Variants in PDE3A observed in about 807,000 individuals in gnomAD.
PDE3A encodes the protein cGMP-inhibited 3',5'-cyclic phosphodiesterase 3A.
PDE3A carries 43 observed loss-of-function variants against 98.3 expected under a neutral mutation model. The observed-to-expected ratio is 0.44, with a 90% confidence interval of 0.34 to 0.56. The LOEUF (loss-of-function observed/expected upper bound fraction) is 0.56. Ranked by LOEUF, PDE3A falls within the 20% of genes least tolerant of loss-of-function variation. The pLI is 0.01. For synonymous variants in PDE3A, 663 were observed against 567.9 expected (o/e 1.17, Z -2.38); for missense variants, 1,427 against 1,440.7 (o/e 0.99, Z 0.15).
chr12:20,570,440 G>C (rs1366624310), intron 2 of PDE3A, among the ~76,000 whole-genome samples: 2 of 83,494 alleles, frequency 2.4e-5, no homozygotes, highest in Non-Finnish European at 4.8e-5. Context: ...AAAAAAAAAG[G>C]TGTAAAGGGA....
At chr12:20,572,038 A>G (rs1942812716) in intron 2 of PDE3A, 2 of 1,133,848 alleles carry the variant, frequency 1.8e-6, no homozygotes, top group Admixed American at 4.1e-5. Flanking sequence ...TGGAGTTGCA[A>G]TCAGTATTCA....
At chr12:20,373,266 A>T (rs779413412) in intron 1 of PDE3A, among the ~76,000 whole-genome samples, 28 of 152,064 alleles carry the variant, frequency 1.8e-4, no homozygotes, top group African/African-American at 3.9e-4. Context: ...GCCAGTGTTA[A>T]GAAGGCAAGT....
At chr12:20,559,845 T>C (rs1173736376) in intron 2 of PDE3A, among the ~76,000 whole-genome samples, 1 of 152,146 alleles carries the variant, frequency 6.6e-6, no homozygotes, top group East Asian at 1.9e-4. Flanking sequence ...AAAGCTTTGG[T>C]AAAAGTCTGA....
intron 2 of PDE3A, among the ~76,000 whole-genome samples, chr12:20,572,973 G>A (rs1285697454): frequency 6.6e-6 from 1 of 152,032 alleles, no homozygotes; most frequent in Non-Finnish European, 1.5e-5. Context: ...CAAATGACTA[G>A]TCTACATTTC....
intron 1 of PDE3A, among the ~76,000 whole-genome samples, chr12:20,550,490 T>A (rs1263672886): frequency 6.6e-6 from 1 of 152,150 alleles, no homozygotes; most frequent in Non-Finnish European, 1.5e-5. Context: ...ATTAGTTAAT[T>A]ATTGCTTGTG....
intron 1 of PDE3A, among the ~76,000 whole-genome samples, chr12:20,532,367 AATT>A (rs1467856415): frequency 6.6e-6 from 1 of 152,156 alleles, no homozygotes; most frequent in Non-Finnish European, 1.5e-5. Context: ...TAATTTATGC[AATT>A]ATTTTATATT....
At chr12:20,551,895 G>A (rs1296227453) in intron 1 of PDE3A, 4 of 1,613,410 alleles carry the variant, frequency 2.5e-6, no homozygotes, top group East Asian at 2.2e-5. Context: ...GACCCATCCC[G>A]GGGATCCCCG....
chr12:20,392,369 G>A (rs543538428), intron 1 of PDE3A, among the ~76,000 whole-genome samples: 47 of 151,920 alleles, frequency 3.1e-4, no homozygotes, highest in Non-Finnish European at 6.0e-4. Context: ...GGTCTAAAAT[G>A]TGTAGGTCTA....
chr12:20,373,286 GGT>G (rs1250444037), intron 1 of PDE3A, among the ~76,000 whole-genome samples: 1 of 152,130 alleles, frequency 6.6e-6, no homozygotes, highest in African/African-American at 2.4e-5. Context: ...TGTCTGTTAA[GGT>G]GTGTGTATCT....
At chr12:20,406,360 A>T (rs1333158471) in intron 1 of PDE3A, among the ~76,000 whole-genome samples, 1 of 152,188 alleles carries the variant, frequency 6.6e-6, no homozygotes, top group Non-Finnish European at 1.5e-5. Context: ...ACAGCATGTA[A>T]GGGTTCCCGT....
intron 1 of PDE3A, among the ~76,000 whole-genome samples, chr12:20,504,240 T>G (rs1946075239): frequency 6.6e-6 from 1 of 152,084 alleles, no homozygotes; most frequent in Non-Finnish European, 1.5e-5. Context: ...TGTATCTACA[T>G]GTAACATGTA....
chr12:20,369,190 CGTGTGTGTGTGT>C lies in PDE3A; in HGVS notation c.-85_-74del, dbSNP rs140759925. The C allele has an allele frequency of 7.7e-6, 5 of 653,572 alleles. No homozygotes were observed. Among genetic ancestry groups the C allele is most frequent in the Admixed American group, 6.5e-5 (2 of 30,990 alleles). The allele number at this position is 653,572 out of a possible 1,614,324, so 40.5% of individuals were successfully genotyped here. A position where few individuals can be genotyped will look rare whatever the true frequency, so the allele number is the denominator to read the frequency against. ...GGTGGAATTGGGAAGAGCGTGCGTG[CGTGTGTGTGTGT>C]GTGTGTGTGCGCGCGCGCGCGTGGG... On this transcript the variant is annotated 5_prime_UTR_variant, in exon 1 of 16. Coordinates refer to ENST00000359062, the MANE Select transcript of PDE3A (RefSeq NM_000921.5).
chr12:20,369,754 T>A lies in PDE3A; in HGVS notation c.470T>A (p.Leu157Gln). ...GLYLLRAGVR[L>Q]PLAVALLAAC... The stretch of plus-strand genomic sequence containing the variant: ...TACCTCCTGCGCGCCGGGGTGCGCC[T>A]GCCTCTGGCTGTCGCGCTGCTGGCC... Residue 157 changes from leucine to glutamine, a missense_variant, in exon 1 of 16, where the codon CTG (leucine) becomes CAG (glutamine). Coordinates refer to ENST00000359062, the MANE Select transcript of PDE3A (RefSeq NM_000921.5). 1.2e-6 allele frequency: 2 copies of A among 1,612,586 alleles called. No individual in the cohort carries two copies. Among genetic ancestry groups the A allele is most frequent in the Non-Finnish European group, 1.7e-6 (2 of 1,179,786 alleles).
intron 1 of PDE3A, among the ~76,000 whole-genome samples, chr12:20,512,019 G>T (rs1565573059): frequency 6.6e-6 from 1 of 151,972 alleles, no homozygotes; most frequent in East Asian, 1.9e-4. Flanking sequence ...AAATGTAAAA[G>T]TCATCAAAAA....
At chr12:20,482,232 T>C (rs1945643595) in intron 1 of PDE3A, among the ~76,000 whole-genome samples, 1 of 131,140 alleles carries the variant, frequency 7.6e-6, no homozygotes, top group African/African-American at 2.7e-5. Context: ...ACACATGTAT[T>C]TTTTTTTCTG....
At chr12:20,612,536 A>G (rs962519110) in intron 2 of PDE3A, among the ~76,000 whole-genome samples, 1 of 149,938 alleles carries the variant, frequency 6.7e-6, no homozygotes, top group African/African-American at 2.4e-5. Flanking sequence ...ATAGTCCCTC[A>G]TATTTTCTTT....
At position 20,685,290 on chromosome 12, in the gene PDE3A, T is replaced by C. The variant is rs1945926092; in HGVS notation, c.*5019T>C. Among the ~76,000 whole-genome samples, 1 of 150,858 alleles carries C rather than the reference T, an allele frequency of 6.6e-6. No individual in the cohort carries two copies. Among genetic ancestry groups the C allele is most frequent in the Non-Finnish European group, 1.5e-5 (1 of 67,938 alleles). ...ATTCAGGTGTGGTGGCGCATGTCTG[T>C]AATCCCAGCTACCCAGGAGGCTGAG... is the stretch of plus-strand genomic sequence containing the variant. On this transcript the variant is annotated 3_prime_UTR_variant, in exon 16 of 16. Coordinates refer to ENST00000359062, the MANE Select transcript of PDE3A (RefSeq NM_000921.5).
intron 15 of PDE3A, among the ~76,000 whole-genome samples, chr12:20,663,473 C>T (rs1288992152): frequency 2.1e-5 from 3 of 142,506 alleles, no homozygotes; most frequent in African/African-American, 7.3e-5. Context: ...CCTGCAAAGC[C>T]ACAGGGGCAA....
chr12:20,423,739 A>G (rs976137728), intron 1 of PDE3A, among the ~76,000 whole-genome samples: 1 of 152,150 alleles, frequency 6.6e-6, no homozygotes, highest in Non-Finnish European at 1.5e-5. Context: ...TTCCCTCTGT[A>G]GCAAGTGAGC....
Sources: allele counts gnomAD v4.1 joint callset (sites outside exome capture counted in the v4.1 genomes callset), GRCh38; gene constraint gnomAD v4.1.1; transcripts MANE v1.5; gene names NCBI Gene and HGNC (gene_info 2026-07-23, HGNC 2026-07-21).